ENPEP: variants seen among roughly 807,000 people sequenced by gnomAD.
The protein encoded by ENPEP is AP-A.
In ENPEP, 103 loss-of-function variants were observed where a neutral mutation model predicts 114.5. The observed-to-expected ratio is 0.90, with a 90% CI of 0.77 to 1.06. The LOEUF is 1.06. Ranked by LOEUF, ENPEP falls within the 50% of genes least tolerant of loss-of-function variation. The pLI is 0.00. For missense variants in ENPEP, 1,196 were observed against 1,161.3 expected, an observed-to-expected ratio of 1.03 and a Z score of -0.43; for synonymous variants, 420 against 422.0, an observed-to-expected ratio of 1.00 and a Z score of 0.06.
chr4:110,549,999 A>T (rs528490844), intron 17 of ENPEP, 113 bp downstream of exon 17: 95 of 1,091,028 alleles, frequency 8.7e-5, no homozygotes, highest in Non-Finnish European at 1.2e-4. Flanking sequence ...AAATCCATTA[A>T]AAGTTATTTT....
chr4:110,497,827 C>G (rs1297968156), intron 3 of ENPEP, among the ~76,000 whole-genome samples: 1 of 152,124 alleles, frequency 6.6e-6, no homozygotes, highest in Non-Finnish European at 1.5e-5. Context: ...TAAGGCAGAA[C>G]TTAAAAAGAA....
rs921592812 is a variant in ENPEP, at chr4:110,509,512, A to G, written c.1040-141A>G. On this transcript the variant is annotated intron_variant, in intron 4 of 19. Transcript: ENST00000265162. ...AGTGCATTAGGACTGAAATGTTCGC[A>G]CACATGATTACAGTTCTTTACTCTA... The G allele has an allele frequency of 3.7e-6, 4 of 1,078,158 alleles. No individual in the cohort carries two copies. The African/African-American group carries it at 4.8e-5, about 13-fold the overall frequency. 66.8% of individuals were successfully genotyped at this position (1,078,158 alleles called of 1,614,324 possible).
intron 4 of ENPEP, among the ~76,000 whole-genome samples, chr4:110,507,462 A>G (rs997855500): frequency 4.6e-5 from 7 of 152,364 alleles, no homozygotes; most frequent in South Asian, 2.1e-4. Context: ...GTAAGAAAAC[A>G]AATTAGCCAA....
chr4:110,512,031 T>C (rs1341108937), intron 6 of ENPEP, among the ~76,000 whole-genome samples: 1 of 152,182 alleles, frequency 6.6e-6, no homozygotes, highest in Non-Finnish European at 1.5e-5. Flanking sequence ...CCCAAAATGC[T>C]GGGATTACAG....
intron 4 of ENPEP, among the ~76,000 whole-genome samples, chr4:110,508,728 G>A (rs150374201): frequency 0.012 from 1,782 of 152,208 alleles, 36 homozygotes; most frequent in African/African-American, 0.04. Flanking sequence ...GGAGAATGGC[G>A]TGAACCCAGG....
chr4:110,546,332 T>G (rs1176952828), intron 13 of ENPEP, among the ~76,000 whole-genome samples: 3 of 151,614 alleles, frequency 2.0e-5, no homozygotes, highest in African/African-American at 7.3e-5. Context: ...GCCCCCTGCT[T>G]GCTACAATAG....
At chr4:110,487,790 T>C (rs1312137656) in intron 1 of ENPEP, among the ~76,000 whole-genome samples, 3 of 152,246 alleles carry the variant, frequency 2.0e-5, no homozygotes, top group East Asian at 1.9e-4. Context: ...GTGTATGCTA[T>C]TGATTTTTTT....
intron 8 of ENPEP, among the ~76,000 whole-genome samples, chr4:110,518,553 T>C (rs924337968): frequency 1.3e-5 from 2 of 152,352 alleles, no homozygotes; most frequent in African/African-American, 4.8e-5. Context: ...AATTAGTACC[T>C]TTTAATATGC....
At chr4:110,489,724 C>T (rs1724632405) in intron 2 of ENPEP, among the ~76,000 whole-genome samples, 1 of 152,200 alleles carries the variant, frequency 6.6e-6, no homozygotes, top group African/African-American at 2.4e-5. Context: ...TTCATTGCCT[C>T]AAAGTTGAGG....
chr4:110,522,372 G>C (rs1449669782), intron 10 of ENPEP, among the ~76,000 whole-genome samples: 2 of 151,986 alleles, frequency 1.3e-5, no homozygotes, highest in African/African-American at 2.4e-5. Context: ...TAGTAGAGAT[G>C]GGGTTTCACC....
chr4:110,513,402 T>A lies in ENPEP; in HGVS notation c.1309-13T>A. 6.2e-7 allele frequency: 1 copy of A among 1,610,372 alleles called. No homozygotes were observed. Among genetic ancestry groups the A allele is most frequent in the Non-Finnish European group, 8.5e-7 (1 of 1,178,520 alleles). On this transcript the variant is annotated splice_polypyrimidine_tract_variant and intron_variant, in intron 6 of 19. Coordinates refer to ENST00000265162, the MANE Select transcript of ENPEP (RefSeq NM_001977.4). ...GAAATACTATATTCCTTTGGCTCAT[T>A]CTTTCATTTCAGCGTGACCAAATGT... is the stretch of plus-strand genomic sequence containing the variant.
At chr4:110,503,358 G>T (rs373963145) in intron 3 of ENPEP, among the ~76,000 whole-genome samples, 9 of 152,266 alleles carry the variant, frequency 5.9e-5, no homozygotes, top group South Asian at 2.1e-4. Context: ...TGAAATTCCT[G>T]TAGTGTGTTT....
At chr4:110,540,125 T>C (rs965473355) in intron 11 of ENPEP, among the ~76,000 whole-genome samples, 1 of 152,172 alleles carries the variant, frequency 6.6e-6, no homozygotes, top group Admixed American at 6.5e-5. Context: ...AAAACAATTT[T>C]TAAGTTGATA....
At chr4:110,507,481 C>T (rs1361100054) in intron 4 of ENPEP, among the ~76,000 whole-genome samples, 1 of 152,188 alleles carries the variant, frequency 6.6e-6, no homozygotes, top group Non-Finnish European at 1.5e-5. Flanking sequence ...AACAGTTGGC[C>T]TCCCTGTATC....
At chr4:110,555,918 T>G (rs1413237703) in intron 18 of ENPEP, among the ~76,000 whole-genome samples, 1 of 152,004 alleles carries the variant, frequency 6.6e-6, no homozygotes, top group Non-Finnish European at 1.5e-5. Context: ...TTTTCCCTTA[T>G]TTTCTATACT....
chr4:110,490,709 T>C (rs1399152302), intron 2 of ENPEP, among the ~76,000 whole-genome samples: 1 of 152,204 alleles, frequency 6.6e-6, no homozygotes, highest in Non-Finnish European at 1.5e-5. Flanking sequence ...CATTAGGAGA[T>C]TGCAGTACTC....
At chr4:110,557,047 A>C (rs1162690380) in intron 18 of ENPEP, among the ~76,000 whole-genome samples, 1 of 152,194 alleles carries the variant, frequency 6.6e-6, no homozygotes, top group African/African-American at 2.4e-5. Flanking sequence ...TTAGGCAAAA[A>C]TGTTATTCAA....
chr4:110,548,679 C>T (rs777860892), intron 14 of ENPEP, among the ~76,000 whole-genome samples: 14 of 152,002 alleles, frequency 9.2e-5, no homozygotes, highest in Non-Finnish European at 1.3e-4. Context: ...AATTATTCTT[C>T]TAAAATATAA....
intron 11 of ENPEP, among the ~76,000 whole-genome samples, chr4:110,539,183 T>C (rs1017799867): frequency 1.3e-5 from 2 of 152,162 alleles, no homozygotes; most frequent in African/African-American, 4.8e-5. Flanking sequence ...AACCTTCAAT[T>C]TGTAAAAAAT....
Sources: allele counts gnomAD v4.1 joint callset (sites outside exome capture counted in the v4.1 genomes callset), GRCh38; gene constraint gnomAD v4.1.1; transcripts MANE v1.5; gene names NCBI Gene and HGNC (gene_info 2026-07-23, HGNC 2026-07-21).